PRKACA: variants seen among roughly 807,000 people sequenced by gnomAD.
PRKACA encodes cAMP-dependent protein kinase catalytic subunit alpha.
In PRKACA, 9 loss-of-function variants were observed where a neutral mutation model predicts 45.8. That is an observed-to-expected ratio of 0.20 (90% CI 0.12 to 0.34). The LOEUF (loss-of-function observed/expected upper bound fraction) is 0.34. Ranked by LOEUF, PRKACA falls within the 10% of genes least tolerant of loss-of-function variation. The pLI is 1.00. For missense variants in PRKACA, 238 were observed against 458.6 expected, an observed-to-expected ratio of 0.52 and a Z score of 4.39; for synonymous variants, 160 against 178.6, an observed-to-expected ratio of 0.90 and a Z score of 0.83.
chr19:14,095,928 A>T (rs1977235686), intron 8 of PRKACA, among the ~76,000 whole-genome samples: 1 of 151,340 alleles, frequency 6.6e-6, no homozygotes, highest in Non-Finnish European at 1.5e-5. Flanking sequence ...GCAGTGATGC[A>T]ATCACAGCTC....
At chr19:14,093,411 A>C (rs1388462848) in intron 9 of PRKACA, among the ~76,000 whole-genome samples, 174 bp from the exon 10 acceptor site, 1 of 152,172 alleles carries the variant, frequency 6.6e-6, no homozygotes, top group Non-Finnish European at 1.5e-5. Context: ...GCAACTCATC[A>C]AAGGGGAAAT....
intron 5 of PRKACA, 37 bp downstream of exon 5, chr19:14,100,789 C>G: frequency 1.9e-6 from 3 of 1,603,658 alleles, no homozygotes; most frequent in Non-Finnish European, 2.6e-6. Flanking sequence ...CTGTGGACAC[C>G]CTGACAGCCT....
Position 14,093,652 on chromosome 19 carries a change from G to A in PRKACA, c.906C>T (p.Asp302=), listed in dbSNP as rs756149376. ...IKNHKWFATT[D]WIAIYQRKVE... The stretch of plus-strand genomic sequence containing the variant: ...CCTTCCTCTGGTAGATGGCAATCCA[G>A]TCAGTTGTGGCAAACCACTTGTGGT... The change falls in exon 9 of 10, where the codon GAC becomes GAT. Residue 302 remains aspartate (D), a synonymous_variant. Coordinates refer to ENST00000308677, the MANE Select transcript of PRKACA (RefSeq NM_002730.4). The A allele has an allele frequency of 6.2e-7, 1 of 1,614,048 alleles. No individual in the cohort carries two copies. Among genetic ancestry groups the A allele is most frequent in the Admixed American group, 1.7e-5 (1 of 60,012 alleles).
chr19:14,109,124 G>C lies in PRKACA; in HGVS notation c.47-1715C>G, dbSNP rs549908796. Among the ~76,000 whole-genome samples, 470 of 150,638 alleles carry C rather than the reference G, an allele frequency of 3.1e-3. 3 individuals carry two copies. The highest frequency in any genetic ancestry group is 0.011 in the African/African-American group (443 of 41,080). ...AGCACTCTGGGAGGCCAAGGTGGGT[G>C]GATCACAAGGTCAGGAGTTCGAGAC... On this transcript the variant is annotated intron_variant, in intron 1 of 9. Transcript: ENST00000308677.
intron 1 of PRKACA, chr19:14,114,276 G>C: frequency 1.4e-6 from 2 of 1,403,218 alleles, no homozygotes; most frequent in Non-Finnish European, 2.0e-6. Flanking sequence ...AGGGAGCCGT[G>C]GGGTGGGAGC....
At chr19:14,094,185 G>GAAAAAA (rs940405502) in intron 8 of PRKACA, among the ~76,000 whole-genome samples, 3 of 58,916 alleles carry the variant, frequency 5.1e-5, no homozygotes, top group Non-Finnish European at 9.6e-5. Flanking sequence ...TTCTTTTTTT[G>GAAAAAA]AAAAAAAAAA....
At chr19:14,116,416 A>C (rs1405757482) in intron 1 of PRKACA, among the ~76,000 whole-genome samples, 1 of 152,068 alleles carries the variant, frequency 6.6e-6, no homozygotes, top group Non-Finnish European at 1.5e-5. Flanking sequence ...AAAGCAAATC[A>C]CTAGACGTCA....
At chr19:14,112,808 C>A (rs1967006648) in intron 1 of PRKACA, among the ~76,000 whole-genome samples, 1 of 152,192 alleles carries the variant, frequency 6.6e-6, no homozygotes, top group Middle Eastern at 3.2e-3. Flanking sequence ...CTGGACTGTG[C>A]AGAGGACAGC....
Position 14,096,348 on chromosome 19 carries a change from TTTG to T in PRKACA, c.765+1010_765+1012del, listed in dbSNP as rs1483174477. 2.3e-3 allele frequency: 328 copies of T among 143,726 alleles called. 3 individuals carry two copies. Among genetic ancestry groups the T allele is most frequent in the African/African-American group, 8.7e-3 (311 of 35,854 alleles). The allele number at this position is 143,726 out of a possible 1,614,324, so 8.9% of individuals were successfully genotyped here. A position where few individuals can be genotyped will look rare whatever the true frequency, so the allele number is the denominator to read the frequency against. Reference sequence around the variant, plus strand: ...GGTGTAAGCCACCGCGCCCGGCCAGTTTGTTTTTTTTTTTTTTTTTTTAGAGAT... The same window carrying T: ...GGTGTAAGCCACCGCGCCCGGCCAGTTTTTTTTTTTTTTTTTTTTAGAGAT... On this transcript the variant is annotated intron_variant, in intron 8 of 9. Transcript: ENST00000308677.
intron 1 of PRKACA, among the ~76,000 whole-genome samples, chr19:14,109,221 A>G (rs1330819389): frequency 3.3e-5 from 5 of 151,552 alleles, no homozygotes. Context: ...GGTGGGTCAC[A>G]CCTATAATCC....
At position 14,097,187 on chromosome 19, in the gene PRKACA, G is replaced by A. The variant is rs908003007; in HGVS notation, c.765+174C>T. Reference sequence around the variant, plus strand: ...CCGCGGGGTTGGGGCTGGACAGCAAGGGGGCTTGAGGTGTTGGCCTCAGTG... The same window carrying A: ...CCGCGGGGTTGGGGCTGGACAGCAAAGGGGCTTGAGGTGTTGGCCTCAGTG... On this transcript the variant is annotated intron_variant, in intron 8 of 9. Transcript: ENST00000308677. The surrounding 1 kb of genome is among the most constrained non-coding windows in gnomAD (Gnocchi z 5.4). 11 of 967,886 alleles carry A rather than the reference G, an allele frequency of 1.1e-5. No homozygotes were observed. In the African/African-American group the frequency reaches 1.5e-4, roughly 13 times the overall value. The allele number at this position is 967,886 out of a possible 1,614,324, so 60.0% of individuals were successfully genotyped here.
intron 1 of PRKACA, among the ~76,000 whole-genome samples, chr19:14,111,059 C>A (rs1227388576): frequency 6.6e-6 from 1 of 152,214 alleles, no homozygotes; most frequent in African/African-American, 2.4e-5. Flanking sequence ...GTCTCCAGAG[C>A]TTTCCCTCAG....
chr19:14,115,703 G>A (rs1483445898), intron 1 of PRKACA, among the ~76,000 whole-genome samples: 1 of 152,100 alleles, frequency 6.6e-6, no homozygotes, highest in African/African-American at 2.4e-5. Context: ...TTTTTCTTGG[G>A]ATCCTTTTTC....
At chr19:14,099,362 A>AT (rs985145679) in intron 5 of PRKACA, among the ~76,000 whole-genome samples, 3 of 150,794 alleles carry the variant, frequency 2.0e-5, no homozygotes, top group Admixed American at 6.6e-5. Context: ...TAAGTTAAAA[A>AT]TTTTTTTTTT....
chr19:14,093,494 A>G, intron 9 of PRKACA, 134 bp downstream of exon 9: 2 of 1,223,430 alleles, frequency 1.6e-6, no homozygotes, highest in East Asian at 4.7e-5. Flanking sequence ...CCATTTCTAG[A>G]CCCCACTGCT....
chr19:14,093,844 A>G (rs1977167764), intron 8 of PRKACA, 52 bp from the exon 9 acceptor site: 1 of 1,540,092 alleles, frequency 6.5e-7, no homozygotes, highest in Non-Finnish European at 8.8e-7. Context: ...GAACTTGGGA[A>G]GCCCATGATG....
chr19:14,098,701 G>T (rs1163961598), intron 5 of PRKACA, among the ~76,000 whole-genome samples: 1 of 150,608 alleles, frequency 6.6e-6, no homozygotes, highest in Non-Finnish European at 1.5e-5. Context: ...TCACCATGTT[G>T]GTCAGGCTGG....
chr19:14,110,490 C>G (rs2144488756), intron 1 of PRKACA, among the ~76,000 whole-genome samples: 1 of 151,710 alleles, frequency 6.6e-6, no homozygotes, highest in East Asian at 1.9e-4. Context: ...GAGGATTGTT[C>G]AAGCCCGGGA....
chr19:14,110,680 C>T (rs1036023388), intron 1 of PRKACA, among the ~76,000 whole-genome samples: 6 of 152,148 alleles, frequency 3.9e-5, no homozygotes, highest in African/African-American at 1.4e-4. Context: ...TGGACTTGTC[C>T]TTTTAACCAC....
Sources: allele counts gnomAD v4.1 joint callset (sites outside exome capture counted in the v4.1 genomes callset), GRCh38; gene constraint gnomAD v4.1.1; non-coding constraint Gnocchi (gnomAD v3.1); transcripts MANE v1.5; gene names NCBI Gene and HGNC (gene_info 2026-07-23, HGNC 2026-07-21).